The following ANK2 variants were observed in gnomAD, a reference collection of about 807,000 sequenced individuals.
The protein encoded by ANK2 is ankyrin 2, also known as ankyrin-2.
A neutral mutation model predicts 360.5 loss-of-function variants in ANK2; 83 were observed. The ratio of observed to expected loss-of-function variants is 0.23; its 90% CI spans 0.19 to 0.28. The LOEUF is 0.28. Among genes scored for constraint, ANK2 ranks in the 10% least tolerant of loss-of-function variants. ANK2 has a pLI of 1.00. For missense variants in ANK2, 4,201 were observed against 4,795.7 expected (o/e 0.88, Z 3.66); for synonymous variants, 1,740 against 1,759.5 (o/e 0.99, Z 0.28).
chr4:113,332,992 G>A (rs1410430792), intron 28 of ANK2, 62 bp from the exon 29 acceptor site: 3 of 1,609,854 alleles, frequency 1.9e-6, no homozygotes, highest in East Asian at 4.5e-5. Flanking sequence ...ACAGAGTCGA[G>A]GTGCTTGTCT....
intron 2 of ANK2, among the ~76,000 whole-genome samples, chr4:113,038,340 ACC>A (rs2062069527): frequency 1.3e-5 from 2 of 152,020 alleles, no homozygotes; most frequent in Non-Finnish European, 2.9e-5. Flanking sequence ...GTAGCGTTTG[ACC>A]CAGTAATATG....
intron 4 of ANK2, among the ~76,000 whole-genome samples, chr4:113,222,227 T>C (rs1215092468): frequency 2.0e-5 from 3 of 152,212 alleles, no homozygotes; most frequent in Non-Finnish European, 4.4e-5. Context: ...AGAATTCCTA[T>C]GTCTAAGAAA....
In ANK2 at chr4:113,358,376, A is replaced by G. The variant is rs1381569652; in HGVS notation, c.9758A>G (p.Gln3253Arg). Residue 3253 changes from glutamine (Q) to arginine (R), a missense_variant, in exon 38 of 46, where the codon CAA becomes CGA. Transcript: ENST00000357077. ...SCPDSSEPAV[Q>R]VQLDFSTLTR... ...CCCGACTCTTCTGAACCAGCTGTAC[A>G]AGTCCAGTTAGATTTTTCCACACTC... The G allele has an allele frequency of 1.9e-6, 3 of 1,613,934 alleles. No homozygotes were observed. The African/African-American group carries it at 4.0e-5, about 22-fold the overall frequency.
At chr4:112,872,389 G>A (rs1448497638) in intron 1 of ANK2, among the ~76,000 whole-genome samples, 1 of 151,762 alleles carries the variant, frequency 6.6e-6, no homozygotes, top group Non-Finnish European at 1.5e-5. Flanking sequence ...CCAGGCTGGA[G>A]TGCAATGGCA....
intron 2 of ANK2, among the ~76,000 whole-genome samples, chr4:113,034,304 A>T (rs1379551671): frequency 6.6e-6 from 1 of 152,022 alleles, no homozygotes; most frequent in Non-Finnish European, 1.5e-5. Context: ...AACCTGATGT[A>T]GTTTTTCAAT....
intron 26 of ANK2, among the ~76,000 whole-genome samples, chr4:113,328,317 A>G (rs1028993070): frequency 6.6e-6 from 1 of 152,176 alleles, no homozygotes; most frequent in African/African-American, 2.4e-5. Context: ...AAATATTGCA[A>G]TGAATTTGGA....
At chr4:112,961,553 C>G (rs769228722) in intron 2 of ANK2, among the ~76,000 whole-genome samples, 28 of 151,946 alleles carry the variant, frequency 1.8e-4, no homozygotes, top group Non-Finnish European at 3.5e-4. Flanking sequence ...TACTACAGAC[C>G]AGGACTTGAC....
intron 1 of ANK2, among the ~76,000 whole-genome samples, chr4:112,885,172 C>T (rs2077897187): frequency 6.6e-6 from 1 of 152,138 alleles, no homozygotes; most frequent in Admixed American, 6.5e-5. Flanking sequence ...ACTTCCTTCC[C>T]TGTCCGTAAT....
At chr4:112,725,674 A>C in the ANK2 span, among the ~76,000 whole-genome samples, 1 of 152,066 alleles carries the variant, frequency 6.6e-6, no homozygotes, top group Non-Finnish European at 1.5e-5. Context: ...ACATTGTCCT[A>C]AGTTAAAAAA....
chr4:113,285,797 C>G (rs1361055597), intron 18 of ANK2, among the ~76,000 whole-genome samples: 1 of 152,148 alleles, frequency 6.6e-6, no homozygotes, highest in Non-Finnish European at 1.5e-5. Flanking sequence ...TAGAGCCTAG[C>G]CTTAGGGAAA....
At chr4:112,727,637 T>A in the ANK2 span, among the ~76,000 whole-genome samples, 1 of 151,932 alleles carries the variant, frequency 6.6e-6, no homozygotes, top group African/African-American at 2.4e-5. Flanking sequence ...CCAAATAAAA[T>A]CAGAATGAAA....
chr4:113,216,139 T>C (rs183630314), intron 4 of ANK2, among the ~76,000 whole-genome samples: 62 of 152,318 alleles, frequency 4.1e-4, no homozygotes, highest in African/African-American at 1.3e-3. Flanking sequence ...GCATAACTAT[T>C]TCATCACTAA....
At chr4:113,190,477 T>G (rs895589362) in intron 2 of ANK2, among the ~76,000 whole-genome samples, 1 of 148,700 alleles carries the variant, frequency 6.7e-6, no homozygotes, top group African/African-American at 2.6e-5. Flanking sequence ...TTCATTTTAA[T>G]GTTTTTTTTT....
At chr4:113,067,701 G>A (rs1479119251) in intron 1 of ANK2, among the ~76,000 whole-genome samples, 1 of 152,290 alleles carries the variant, frequency 6.6e-6, no homozygotes, top group African/African-American at 2.4e-5. Context: ...GCTCCTGGGA[G>A]GACTGGAAAA....
In ANK2 at chr4:113,358,042, A is replaced by C. The variant is rs374350634; in HGVS notation, c.9424A>C (p.Thr3142Pro). ...AATTGGTCAAGAATCCAGGGAAGAG[A>C]CTCTCTCTGAAGATGTGAAAGAAGG... is the stretch of plus-strand genomic sequence containing the variant. Reference protein sequence around the residue: ...FQIGQESREETLSEDVKEGAT... With the variant: ...FQIGQESREEPLSEDVKEGAT... The change falls in exon 38 of 46, where the codon ACT (threonine) becomes CCT (proline). Residue 3142 changes from threonine (T) to proline (P), a missense_variant. By Grantham distance (38) the Thr-to-Pro change is conservative (BLOSUM62 -1). This residue lies in a region of ANK2 where 2,642 missense variants were observed against 2,714.5 expected (regional missense o/e 0.97). Transcript: ENST00000357077. 6.0e-5 allele frequency: 97 copies of C among 1,613,754 alleles called. No homozygotes were observed. The highest frequency in any genetic ancestry group is 4.4e-4 in the African/African-American group (33 of 74,862).
chr4:112,733,140 C>G, the ANK2 span, among the ~76,000 whole-genome samples: 1 of 152,072 alleles, frequency 6.6e-6, no homozygotes, highest in Non-Finnish European at 1.5e-5. Context: ...TGCTTGAACC[C>G]GGCAGGTGGA....
At chr4:113,294,285 A>AC (rs543584844) in intron 22 of ANK2, among the ~76,000 whole-genome samples, 1 of 152,158 alleles carries the variant, frequency 6.6e-6, no homozygotes, top group African/African-American at 2.4e-5. Context: ...GGGGGCTCCT[A>AC]CCTGAAAGTG....
chr4:112,826,867 T>A, intron 1 of ANK2: 2 of 1,481,126 alleles, frequency 1.4e-6, no homozygotes, highest in Non-Finnish European at 1.9e-6. Flanking sequence ...GAAGATGACA[T>A]CAATGATGTG....
At chr4:113,240,806 A>G (rs2039381425) in intron 8 of ANK2, among the ~76,000 whole-genome samples, 1 of 149,900 alleles carries the variant, frequency 6.7e-6, no homozygotes, top group South Asian at 2.1e-4. Flanking sequence ...AATTATTTCC[A>G]ATAGTTAAGG....
Sources: allele counts gnomAD v4.1 joint callset (sites outside exome capture counted in the v4.1 genomes callset), GRCh38; gene constraint gnomAD v4.1.1; regional missense constraint gnomAD v4.1.1; transcripts MANE v1.5; gene names NCBI Gene and HGNC (gene_info 2026-07-23, HGNC 2026-07-21).